The following SCN8A variants were observed in gnomAD, a reference collection of about 807,000 sequenced individuals.
SCN8A encodes the protein sodium voltage-gated channel alpha subunit 8, also known as sodium channel protein type 8 subunit alpha.
In SCN8A, 30 loss-of-function variants were observed where a neutral mutation model predicts 184.1. The observed-to-expected ratio is 0.16, with a 90% CI of 0.12 to 0.22. The LOEUF (loss-of-function observed/expected upper bound fraction) is 0.22. Ranked by LOEUF, SCN8A falls within the 10% of genes least tolerant of loss-of-function variation. The pLI is 1.00. For missense variants in SCN8A, 1,057 were observed against 2,498.9 expected (o/e 0.42, Z 12.30); for synonymous variants, 852 against 907.0 (o/e 0.94, Z 1.09).
chr12:51,772,411 T>A (rs115944752), intron 19 of SCN8A, among the ~76,000 whole-genome samples: 4 of 121,710 alleles, frequency 3.3e-5, no homozygotes, highest in African/African-American at 1.2e-4. Context: ...AAAAAAAAAA[T>A]AACAAAATGA....
intron 1 of SCN8A, among the ~76,000 whole-genome samples, chr12:51,655,613 A>AG: frequency 6.6e-6 from 1 of 152,200 alleles, no homozygotes; most frequent in East Asian, 1.9e-4. Flanking sequence ...GCCTCAAGCG[A>AG]TCTTCCCATC....
At chr12:51,637,324 C>T (rs1225007421) in intron 1 of SCN8A, among the ~76,000 whole-genome samples, 2 of 152,170 alleles carry the variant, frequency 1.3e-5, no homozygotes, top group African/African-American at 4.8e-5. Flanking sequence ...AGTTGCACAT[C>T]TGTCACCTTA....
intron 5 of SCN8A, among the ~76,000 whole-genome samples, chr12:51,687,531 A>C (rs1212097915): frequency 6.6e-6 from 1 of 152,146 alleles, no homozygotes; most frequent in Non-Finnish European, 1.5e-5. Flanking sequence ...CGGTTTGCAC[A>C]CCTATCATTA....
At chr12:51,793,512 TA>T in intron 25 of SCN8A, among the ~76,000 whole-genome samples, 2 of 152,200 alleles carry the variant, frequency 1.3e-5, no homozygotes, top group East Asian at 3.9e-4. Context: ...AGCTTAAGCA[TA>T]AGTACATAGG....
intron 1 of SCN8A, among the ~76,000 whole-genome samples, chr12:51,608,864 C>A (rs1482963055): frequency 6.6e-6 from 1 of 152,062 alleles, no homozygotes; most frequent in Non-Finnish European, 1.5e-5. Context: ...TTGATGTAGG[C>A]GTTTAGGGCC....
At chr12:51,778,951 C>G (rs531156318) in intron 20 of SCN8A, among the ~76,000 whole-genome samples, 13 of 152,082 alleles carry the variant, frequency 8.5e-5, no homozygotes, top group Non-Finnish European at 1.6e-4. Context: ...CATGGTGGCT[C>G]AAGCCTGTAA....
chr12:51,792,167 C>A (rs75386209), intron 25 of SCN8A, among the ~76,000 whole-genome samples: 4,136 of 152,018 alleles, frequency 0.027, 174 homozygotes, highest in African/African-American at 0.092. Flanking sequence ...GAAAGCCTCA[C>A]TAAGGAGGGT....
chr12:51,774,441 AG>A, intron 20 of SCN8A, 79 bp downstream of exon 20: 1 of 1,375,216 alleles, frequency 7.3e-7, no homozygotes, highest in Non-Finnish European at 9.9e-7. Flanking sequence ...TAATGGCAGT[AG>A]CTGCCCTGGG....
Position 51,614,784 on chromosome 12 carries a change from C to CTT in SCN8A, c.-55+23439_-55+23440dup, listed in dbSNP as rs35444197. Among the ~76,000 whole-genome samples the CTT allele has an allele frequency of 1.4e-3, 204 of 142,414 alleles. No individual in the cohort carries two copies. In the Middle Eastern group the frequency reaches 0.026, roughly 18 times the overall value. The allele number at this position is 142,414 out of a possible 152,430, so 93.4% of individuals were successfully genotyped here. On this transcript the variant is annotated intron_variant, in intron 1 of 26. Coordinates refer to ENST00000627620, the MANE Select transcript of SCN8A (RefSeq NM_001330260.2). Reference sequence around the variant, plus strand: ...TCTGGTAGATAGCATACTGTATGTTCTTTTTTTTTTTTTTTAAATCCATTC... The same window carrying CTT: ...TCTGGTAGATAGCATACTGTATGTTCTTTTTTTTTTTTTTTTTAAATCCATTC...
At chr12:51,641,446 C>G (rs932317353) in intron 1 of SCN8A, among the ~76,000 whole-genome samples, 1 of 152,164 alleles carries the variant, frequency 6.6e-6, no homozygotes. Context: ...AAAAAGCACA[C>G]AGAATGGAGA....
chr12:51,788,077 G>T (rs982667440), intron 22 of SCN8A, among the ~76,000 whole-genome samples: 1 of 152,092 alleles, frequency 6.6e-6, no homozygotes, highest in Admixed American at 6.5e-5. Context: ...CATAAAACAC[G>T]GTGAATAGTA....
chr12:51,605,686 G>A (rs1310297470), intron 1 of SCN8A, among the ~76,000 whole-genome samples: 1 of 152,190 alleles, frequency 6.6e-6, no homozygotes, highest in Non-Finnish European at 1.5e-5. Context: ...TTCCATAGCA[G>A]CTGTACTAGT....
intron 5 of SCN8A, 30 bp from the exon 6 acceptor site, chr12:51,688,975 T>C (rs541785017): frequency 1.3e-6 from 2 of 1,596,596 alleles, no homozygotes; most frequent in Admixed American, 1.7e-5. Flanking sequence ...GTTTGTCACT[T>C]GTGTCTGTGT....
At chr12:51,669,901 A>G (rs1941101209) in intron 2 of SCN8A, among the ~76,000 whole-genome samples, 3 of 152,192 alleles carry the variant, frequency 2.0e-5, no homozygotes, top group African/African-American at 7.2e-5. Flanking sequence ...GGAAGGATTT[A>G]TGTTCATTAG....
intron 1 of SCN8A, among the ~76,000 whole-genome samples, chr12:51,649,264 G>A (rs533232836): frequency 2.0e-5 from 3 of 152,292 alleles, no homozygotes; most frequent in African/African-American, 4.8e-5. Flanking sequence ...GGCTGGCATC[G>A]TGTGTCTGTC....
intron 1 of SCN8A, among the ~76,000 whole-genome samples, chr12:51,600,441 T>C (rs1939439059): frequency 6.6e-6 from 1 of 152,216 alleles, no homozygotes; most frequent in Non-Finnish European, 1.5e-5. Context: ...AGGTAGTAAC[T>C]GAAAGGATTT....
rs561556910 is a variant in SCN8A, at chr12:51,661,394, C to T, written c.-54-1370C>T. Among the ~76,000 whole-genome samples the T allele has an allele frequency of 9.2e-5, 14 of 152,238 alleles. No homozygotes were observed. The South Asian group carries it at 2.1e-3, about 23-fold the overall frequency. On this transcript the variant is annotated intron_variant, in intron 1 of 26. Transcript: ENST00000627620. The stretch of plus-strand genomic sequence containing the variant: ...CCCTGCTGTGAGTGAGCAAGCTGAC[C>T]GGCCCTCATACAGACACTACACACT...
At chr12:51,592,666 T>A (rs1939254147) in intron 1 of SCN8A, among the ~76,000 whole-genome samples, 1 of 151,910 alleles carries the variant, frequency 6.6e-6, no homozygotes, top group Non-Finnish European at 1.5e-5. Context: ...GAAAACTGCT[T>A]TTTATGCACA....
chr12:51,634,100 A>G (rs1003890496), intron 1 of SCN8A, among the ~76,000 whole-genome samples: 28 of 152,230 alleles, frequency 1.8e-4, no homozygotes, highest in African/African-American at 6.0e-4. Flanking sequence ...CAAACAATGA[A>G]CTACTGCTAT....
Sources: allele counts gnomAD v4.1 joint callset (sites outside exome capture counted in the v4.1 genomes callset), GRCh38; gene constraint gnomAD v4.1.1; transcripts MANE v1.5; gene names NCBI Gene and HGNC (gene_info 2026-07-23, HGNC 2026-07-21).